The following CDH3 variants were observed in gnomAD, a reference collection of about 807,000 sequenced individuals.
CDH3 encodes cadherin 3.
In CDH3, 54 loss-of-function variants were observed where a neutral mutation model predicts 82.0. That is an observed-to-expected ratio of 0.66 (90% CI 0.53 to 0.83). The LOEUF is 0.83. CDH3 is among the 40% of genes least tolerant of loss of function. The probability of loss-of-function intolerance (pLI) is 0.00; values close to 1 mark genes in which losing one functional copy is unlikely to be tolerated. For synonymous variants in CDH3, 446 were observed against 437.9 expected (o/e 1.02, Z -0.23); for missense variants, 1,054 against 1,084.6 (o/e 0.97, Z 0.40).
Position 68,698,258 on chromosome 16 carries a change from AG to A in CDH3, c.2351del (p.Gly784AlafsTer9). The A allele has an allele frequency of 6.2e-7, 1 of 1,614,226 alleles. No homozygotes were observed. The highest frequency in any genetic ancestry group is 1.3e-5 in the African/African-American group (1 of 75,052). ...GACACCCTCTTGGTGTTCGACTATGAGGGCAGCGGCTCCGACGCCGCGTCCC... is the reference window on the plus strand; with the variant it reads ...GACACCCTCTTGGTGTTCGACTATGAGGCAGCGGCTCCGACGCCGCGTCCC... ...PYDTLLVFDYEGSGSDAASLS... is the reference protein window; with the variant it reads ...PYDTLLVFDYXGSGSDAASLS... On this transcript the variant is annotated frameshift_variant, in exon 16 of 16. Transcript: ENST00000264012. LOFTEE classifies it high-confidence loss of function.
intron 8 of CDH3, among the ~76,000 whole-genome samples, chr16:68,681,867 T>A (rs1961239311): frequency 1.3e-5 from 2 of 152,102 alleles, no homozygotes; most frequent in South Asian, 4.1e-4. Flanking sequence ...TAAATAAATT[T>A]TTTGTTCCGA....
At chr16:68,728,749 A>T (rs1170222439), downstream of CDH3, among the ~76,000 whole-genome samples, 1 of 152,226 alleles carries the variant, frequency 6.6e-6, no homozygotes, top group African/African-American at 2.4e-5. Flanking sequence ...TAAAACCACA[A>T]GGTGAAGGGG....
At chr16:68,708,800 C>T (rs1461609275) in intron 1 of CDH3, among the ~76,000 whole-genome samples, 3 of 152,192 alleles carry the variant, frequency 2.0e-5, no homozygotes, top group African/African-American at 7.2e-5. Flanking sequence ...CCTGCCACCA[C>T]ACCTGGCTAA....
chr16:68,684,914 A>C, intron 10 of CDH3, 90 bp downstream of exon 10: 1 of 1,508,574 alleles, frequency 6.6e-7, no homozygotes. Context: ...ATTACCATAG[A>C]GATTGTTAAA....
Position 68,698,311 on chromosome 16 carries a change from G to T in CDH3, c.2401G>T (p.Asp801Tyr). The T allele has an allele frequency of 6.2e-7, 1 of 1,614,194 alleles. No homozygotes were observed. The highest frequency in any genetic ancestry group is 8.5e-7 in the Non-Finnish European group (1 of 1,180,040). Residue 801 changes from aspartate to tyrosine, a missense_variant, in exon 16 of 16, where the codon GAC becomes TAC. Asp to Tyr is a radical substitution (Grantham distance 160, BLOSUM62 -3). Coordinates refer to ENST00000264012, the MANE Select transcript of CDH3 (RefSeq NM_001793.6). Reference protein sequence around the residue: ...SLSSLTSSASDQDQDYDYLNE... With the variant: ...SLSSLTSSASYQDQDYDYLNE... The stretch of plus-strand genomic sequence containing the variant: ...GAGCTCCCTCACCTCCTCCGCCTCC[G>T]ACCAAGACCAAGATTACGATTATCT...
chr16:68,703,481 G>C (rs1180120319), downstream of CDH3, among the ~76,000 whole-genome samples: 1 of 152,212 alleles, frequency 6.6e-6, no homozygotes, highest in African/African-American at 2.4e-5. Flanking sequence ...CCAGTTCGAA[G>C]CTTGCTGGAG....
chr16:68,697,625 G>T (rs1052518729), intron 15 of CDH3, among the ~76,000 whole-genome samples: 2 of 152,118 alleles, frequency 1.3e-5, no homozygotes, highest in Non-Finnish European at 2.9e-5. Flanking sequence ...GTGTGGCCTG[G>T]GCTTCAGAAT....
At chr16:68,670,853 G>A (rs913793407) in intron 2 of CDH3, among the ~76,000 whole-genome samples, 1 of 152,040 alleles carries the variant, frequency 6.6e-6, no homozygotes, top group Non-Finnish European at 1.5e-5. Flanking sequence ...CGGGTGGATC[G>A]CTTGAGGCCA....
At chr16:68,697,586 C>T (rs1231277335) in intron 15 of CDH3, among the ~76,000 whole-genome samples, 3 of 152,166 alleles carry the variant, frequency 2.0e-5, no homozygotes, top group African/African-American at 7.2e-5. Flanking sequence ...CTCAGCTCAC[C>T]TCCAAAGATT....
intron 2 of CDH3, among the ~76,000 whole-genome samples, chr16:68,674,837 G>A (rs1034096737): frequency 1.3e-5 from 2 of 152,136 alleles, no homozygotes; most frequent in East Asian, 1.9e-4. Context: ...CATCTGGGCC[G>A]GATGCAGTGG....
At chr16:68,645,606 G>C in intron 1 of CDH3, 30 bp from the exon 2 acceptor site, 1 of 1,526,234 alleles carries the variant, frequency 6.6e-7, no homozygotes, top group East Asian at 2.4e-5. Flanking sequence ...CCTGGACCCA[G>C]CCTCCTTCAC....
chr16:68,693,998 G>C (rs1159319292), intron 13 of CDH3, among the ~76,000 whole-genome samples: 1 of 152,120 alleles, frequency 6.6e-6, no homozygotes, highest in Non-Finnish European at 1.5e-5. Context: ...GCTTATGCCT[G>C]TAATCCCAGC....
At chr16:68,705,407 C>T (rs139459045) in intron 1 of CDH3, among the ~76,000 whole-genome samples, 370 of 152,146 alleles carry the variant, frequency 2.4e-3, no homozygotes, top group Middle Eastern at 6.8e-3. Flanking sequence ...TCATTGAGCA[C>T]CTGTTCTGTG....
In CDH3 at chr16:68,724,675, C is replaced by T. The variant is rs956896150; in HGVS notation, c.*45+2059C>T. 7.9e-5 allele frequency among the ~76,000 whole-genome samples: 12 copies of T among 151,612 alleles called. No homozygotes were observed. In the South Asian group the frequency reaches 1.3e-3, roughly 16 times the overall value. ...CGAGACCTGTCAATTCCCCACACTA[C>T]GTTGTCTGGCCACCTCCTGGGATGT... On this transcript the variant is annotated intron_variant, in intron 2 of 2. Transcript: ENST00000569080.
chr16:68,710,773 A>G (rs369232405), intron 1 of CDH3, among the ~76,000 whole-genome samples: 43 of 151,560 alleles, frequency 2.8e-4, no homozygotes, highest in African/African-American at 9.4e-4. Flanking sequence ...TGAACCCAGG[A>G]GGCAGAGGTT....
In CDH3 at chr16:68,718,967, G is replaced by A. The variant is rs115318994; in HGVS notation, c.100-3458G>A. 2.3e-3 allele frequency among the ~76,000 whole-genome samples: 356 copies of A among 152,248 alleles called. 4 individuals carry two copies. Among genetic ancestry groups the A allele is most frequent in the African/African-American group, 8.3e-3 (346 of 41,552 alleles). On this transcript the variant is annotated intron_variant, in intron 1 of 2. Transcript: ENST00000569080. ...TAAGAAAAAAAACGGGGCCGGGCGC[G>A]GTGGCTCCCTCACGCCTGTAATCCC...
chr16:68,678,900 C>A lies in CDH3; in HGVS notation c.685C>A (p.Leu229Ile). Residue 229 changes from leucine (L) to isoleucine (I), a missense_variant, in exon 6 of 16, where the codon CTA becomes ATA. Transcript: ENST00000264012. ...CCGAGGGAGTGTCTTAGAGGGAGTC[C>A]TACCAGGTAAGAGGACTGGGAAGGG... is the stretch of plus-strand genomic sequence containing the variant. ...TFRGSVLEGVLPGTSVMQVTA... is the reference protein window; with the variant it reads ...TFRGSVLEGVIPGTSVMQVTA... The A allele has an allele frequency of 6.2e-7, 1 of 1,613,592 alleles. No individual in the cohort carries two copies. Among genetic ancestry groups the A allele is most frequent in the Non-Finnish European group, 8.5e-7 (1 of 1,179,930 alleles).
At chr16:68,651,014 C>T (rs1295814305) in intron 2 of CDH3, 3 of 353,462 alleles carry the variant, frequency 8.5e-6, no homozygotes, top group East Asian at 8.0e-5. Context: ...GGGGAGAGAG[C>T]GTGCTGGGAG....
downstream of CDH3, among the ~76,000 whole-genome samples, chr16:68,729,199 G>A (rs975435384): frequency 9.9e-5 from 15 of 152,162 alleles, no homozygotes; most frequent in Non-Finnish European, 1.5e-4. Flanking sequence ...CAGCTACTGG[G>A]GAGGCTGACG....
Sources: gnomAD v4.1 joint callset for allele counts (sites outside exome capture counted in the v4.1 genomes callset) on GRCh38, gnomAD v4.1.1 for gene constraint, MANE v1.5 for transcripts, NCBI Gene and HGNC (gene_info 2026-07-23, HGNC 2026-07-21) for gene names.